Variants in CDYL2 observed in about 807,000 individuals in gnomAD.
The protein encoded by CDYL2 is chromodomain Y like 2.
A neutral mutation model predicts 49.4 loss-of-function variants in CDYL2; 23 were observed. The observed-to-expected ratio is 0.47, with a 90% confidence interval of 0.34 to 0.66. The LOEUF is 0.66. Ranked by LOEUF, CDYL2 falls within the 30% of genes least tolerant of loss-of-function variation. CDYL2 has a pLI of 0.01. For missense variants in CDYL2, 678 were observed against 656.4 expected, an observed-to-expected ratio of 1.03 and a Z score of -0.36; for synonymous variants, 360 against 268.8, an observed-to-expected ratio of 1.34 and a Z score of -3.32.
chr16:80,756,587 G>A (rs1201404433), intron 1 of CDYL2, among the ~76,000 whole-genome samples: 1 of 151,960 alleles, frequency 6.6e-6, no homozygotes, highest in Admixed American at 6.6e-5. Context: ...TGTTAAGAAT[G>A]ATCTCTGAAG....
intron 1 of CDYL2, among the ~76,000 whole-genome samples, chr16:80,777,336 GA>G (rs72425063): frequency 0.017 from 2,641 of 151,226 alleles, 58 homozygotes; most frequent in African/African-American, 0.049. Flanking sequence ...ATTAAAAGTA[GA>G]AAAAAAGTAA....
rs186508933 is a variant in CDYL2 at position 80,703,997 on chromosome 16, G to T, written c.25-18868C>A. Among the ~76,000 whole-genome samples, 31 of 152,302 alleles carry T rather than the reference G, an allele frequency of 2.0e-4. No homozygotes were observed. In the East Asian group the frequency reaches 5.2e-3, roughly 26 times the overall value. Reference sequence around the variant, plus strand: ...ACACAGGCCAACAATTGAGTTACAGGATAGCGGAAGTGTGCATGTTGCTGG... The same window carrying T: ...ACACAGGCCAACAATTGAGTTACAGTATAGCGGAAGTGTGCATGTTGCTGG... On this transcript the variant is annotated intron_variant, in intron 1 of 6. Coordinates refer to ENST00000570137, the MANE Select transcript of CDYL2 (RefSeq NM_152342.4).
chr16:80,689,178 G>T (rs1278401988), intron 1 of CDYL2, among the ~76,000 whole-genome samples: 1 of 152,202 alleles, frequency 6.6e-6, no homozygotes, highest in Non-Finnish European at 1.5e-5. Flanking sequence ...CTATTCCTCA[G>T]AGTTCAATCA....
chr16:80,759,124 A>ATATATATATATATATATATGGTTTT (rs1567597509), intron 1 of CDYL2, among the ~76,000 whole-genome samples: 48 of 133,194 alleles, frequency 3.6e-4, no homozygotes, highest in African/African-American at 1.3e-3. Context: ...ATATATATAT[A>ATATATATATATATATATATGGTTTT]TATATATATA....
At chr16:80,785,458 T>C (rs1907403803) in intron 1 of CDYL2, among the ~76,000 whole-genome samples, 1 of 151,682 alleles carries the variant, frequency 6.6e-6, no homozygotes, top group Admixed American at 6.6e-5. Context: ...CTCGAGGAAA[T>C]GAGAGGACAC....
chr16:80,653,359 G>C (rs1908668732), intron 2 of CDYL2, among the ~76,000 whole-genome samples: 1 of 152,172 alleles, frequency 6.6e-6, no homozygotes, highest in African/African-American at 2.4e-5. Context: ...CAGCTACTTG[G>C]AAGTCTGAGG....
At chr16:80,711,994 T>C (rs1355403665) in intron 1 of CDYL2, among the ~76,000 whole-genome samples, 1 of 151,180 alleles carries the variant, frequency 6.6e-6, no homozygotes, top group African/African-American at 2.4e-5. Context: ...TATGTATGTA[T>C]ATATATGTGT....
At position 80,598,455 on chromosome 16, in the gene CDYL2, T is replaced by C. The variant is rs766993131; in HGVS notation, c.*5933A>G. The C allele has an allele frequency of 6.6e-6, 1 of 152,170 alleles. No homozygotes were observed. The highest frequency in any genetic ancestry group is 1.5e-5 in the Non-Finnish European group (1 of 68,026). 9.4% of individuals were successfully genotyped at this position (152,170 alleles called of 1,614,324 possible). A position where few individuals can be genotyped will look rare whatever the true frequency, so the allele number is the denominator to read the frequency against. On this transcript the variant is annotated 3_prime_UTR_variant, in exon 7 of 7. Coordinates refer to ENST00000570137, the MANE Select transcript of CDYL2 (RefSeq NM_152342.4). ...TCAATGATTCCATCATGAATGAGAA[T>C]GGAGAGAGAACTGAAGACAATTCTT...
intron 2 of CDYL2, among the ~76,000 whole-genome samples, chr16:80,633,496 TC>T (rs1192316955): frequency 6.6e-6 from 1 of 152,162 alleles, no homozygotes; most frequent in African/African-American, 2.4e-5. Context: ...CTCCCATATA[TC>T]AGCTTCTGCT....
At chr16:80,759,647 C>G (rs1235397914) in intron 1 of CDYL2, among the ~76,000 whole-genome samples, 3 of 152,108 alleles carry the variant, frequency 2.0e-5, no homozygotes, top group African/African-American at 7.2e-5. Flanking sequence ...TGGAAAAACA[C>G]ATTTAGGAGA....
chr16:80,738,642 T>G (rs984372380), intron 1 of CDYL2: 1 of 152,114 alleles, frequency 6.6e-6, no homozygotes, highest in African/African-American at 2.4e-5. Flanking sequence ...AACTAAAGGG[T>G]ATACCGTTTC....
intron 6 of CDYL2, among the ~76,000 whole-genome samples, chr16:80,607,688 T>C (rs1013350640): frequency 6.6e-6 from 1 of 152,224 alleles, no homozygotes; most frequent in Non-Finnish European, 1.5e-5. Flanking sequence ...ACAAATGAAA[T>C]AGAGGCATGG....
At chr16:80,610,360 G>C (rs534198789) in intron 5 of CDYL2, among the ~76,000 whole-genome samples, 1 of 152,218 alleles carries the variant, frequency 6.6e-6, no homozygotes, top group African/African-American at 2.4e-5. Flanking sequence ...GAGCATGAGA[G>C]TAATGTCAAA....
chr16:80,698,592 TG>T (rs1262092044), intron 1 of CDYL2, among the ~76,000 whole-genome samples: 1 of 152,164 alleles, frequency 6.6e-6, no homozygotes, highest in Non-Finnish European at 1.5e-5. Context: ...GATTGGATTA[TG>T]GGGGCACAGT....
intron 3 of CDYL2, among the ~76,000 whole-genome samples, chr16:80,631,158 C>A (rs1031139549): frequency 1.3e-5 from 2 of 152,148 alleles, no homozygotes; most frequent in Admixed American, 1.3e-4. Flanking sequence ...GCTGTGAGAC[C>A]CTAGCCCAGT....
chr16:80,736,111 C>A (rs907189368), intron 1 of CDYL2, among the ~76,000 whole-genome samples: 1 of 152,252 alleles, frequency 6.6e-6, no homozygotes, highest in African/African-American at 2.4e-5. Flanking sequence ...TCACAGCTGG[C>A]CACAGGCCCA....
At chr16:80,796,731 G>A (rs1307992520) in intron 1 of CDYL2, among the ~76,000 whole-genome samples, 1 of 152,032 alleles carries the variant, frequency 6.6e-6, no homozygotes, top group Non-Finnish European at 1.5e-5. Flanking sequence ...ACTTCACCCT[G>A]GATATCACAT....
chr16:80,683,119 C>G (rs1910034581), intron 2 of CDYL2, among the ~76,000 whole-genome samples: 1 of 152,190 alleles, frequency 6.6e-6, no homozygotes, highest in Admixed American at 6.5e-5. Flanking sequence ...CCTCATCACC[C>G]CAACCTTCTG....
At chr16:80,648,722 T>C (rs1052207516) in intron 2 of CDYL2, among the ~76,000 whole-genome samples, 3 of 150,248 alleles carry the variant, frequency 2.0e-5, no homozygotes, top group African/African-American at 7.3e-5. Context: ...CTGGCCAGCA[T>C]CTCTCACGAG....
Sources: allele counts gnomAD v4.1 joint callset (sites outside exome capture counted in the v4.1 genomes callset), GRCh38; gene constraint gnomAD v4.1.1; transcripts MANE v1.5; gene names NCBI Gene and HGNC (gene_info 2026-07-23, HGNC 2026-07-21).